Variants in JAKMIP2 observed in about 807,000 individuals in gnomAD.
JAKMIP2 encodes janus kinase and microtubule interacting protein 2, also known as janus kinase and microtubule-interacting protein 2.
In JAKMIP2, 25 loss-of-function variants were observed where a neutral mutation model predicts 115.0. The ratio of observed to expected loss-of-function variants is 0.22; its 90% confidence interval spans 0.16 to 0.30. The LOEUF (loss-of-function observed/expected upper bound fraction) is 0.30, where lower values mean the gene tolerates loss of function less well. JAKMIP2 is among the 10% of genes least tolerant of loss of function. JAKMIP2 has a pLI of 1.00. For synonymous variants in JAKMIP2, 334 were observed against 343.6 expected (o/e 0.97, Z 0.31); for missense variants, 642 against 957.6 (o/e 0.67, Z 4.35).
At chr5:147,639,479 G>T (rs2126712435) in intron 10 of JAKMIP2, among the ~76,000 whole-genome samples, 153 bp downstream of exon 10, 1 of 152,248 alleles carries the variant, frequency 6.6e-6, no homozygotes, top group Non-Finnish European at 1.5e-5. Context: ...CTAGAGTCAA[G>T]GTTTGTTGAC....
At chr5:147,770,591 C>T (rs1755315760) in intron 1 of JAKMIP2, among the ~76,000 whole-genome samples, 1 of 152,060 alleles carries the variant, frequency 6.6e-6, no homozygotes, top group African/African-American at 2.4e-5. Context: ...ACCACAGAAA[C>T]TATATTGTTC....
intron 21 of JAKMIP2, among the ~76,000 whole-genome samples, chr5:147,600,978 A>C (rs1198247744): frequency 6.6e-6 from 1 of 152,158 alleles, no homozygotes; most frequent in African/African-American, 2.4e-5. Context: ...AAGGGGTGAA[A>C]AAAACAGCAG....
At chr5:147,615,425 T>C (rs1756522151) in intron 19 of JAKMIP2, among the ~76,000 whole-genome samples, 1 of 152,090 alleles carries the variant, frequency 6.6e-6, no homozygotes, top group Admixed American at 6.5e-5. Flanking sequence ...CCAGGATGTT[T>C]TGCATGAGTG....
At chr5:147,599,481 G>A (rs1286535973) in intron 21 of JAKMIP2, among the ~76,000 whole-genome samples, 2 of 152,112 alleles carry the variant, frequency 1.3e-5, no homozygotes, top group African/African-American at 4.8e-5. Flanking sequence ...ACATTCATCG[G>A]CTATATTATT....
At chr5:147,673,960 G>T (rs576045860) in intron 1 of JAKMIP2, among the ~76,000 whole-genome samples, 17 of 152,012 alleles carry the variant, frequency 1.1e-4, no homozygotes, top group African/African-American at 1.4e-4. Context: ...CCACAGCCCC[G>T]ACCATTATGC....
At chr5:147,752,329 T>C (rs1754588393) in intron 1 of JAKMIP2, among the ~76,000 whole-genome samples, 1 of 152,192 alleles carries the variant, frequency 6.6e-6, no homozygotes, top group Non-Finnish European at 1.5e-5. Flanking sequence ...ACTGTAAACT[T>C]AGTGCCTGAG....
At chr5:147,608,826 T>C (rs1756160657) in intron 20 of JAKMIP2, among the ~76,000 whole-genome samples, 1 of 152,200 alleles carries the variant, frequency 6.6e-6, no homozygotes, top group Non-Finnish European at 1.5e-5. Context: ...TTTGTAGGTC[T>C]CTAAGAACTT....
At chr5:147,679,290 A>C (rs1276898983) in intron 1 of JAKMIP2, among the ~76,000 whole-genome samples, 3 of 152,060 alleles carry the variant, frequency 2.0e-5, no homozygotes, top group Non-Finnish European at 4.4e-5. Flanking sequence ...CTCCAACTAC[A>C]TTTTCTACTG....
At chr5:147,748,801 C>A (rs1419108777) in intron 1 of JAKMIP2, among the ~76,000 whole-genome samples, 2 of 152,158 alleles carry the variant, frequency 1.3e-5, no homozygotes, top group African/African-American at 4.8e-5. Context: ...CTTGGTCTGA[C>A]CAATCTTTTG....
At chr5:147,768,817 C>G (rs1310393010) in intron 1 of JAKMIP2, among the ~76,000 whole-genome samples, 1 of 152,000 alleles carries the variant, frequency 6.6e-6, no homozygotes. Flanking sequence ...TGTTTGAGGC[C>G]TGGTCCTTTT....
chr5:147,639,666 G>A lies in JAKMIP2; in HGVS notation c.1496C>T (p.Thr499Met), dbSNP rs1364972545. 52 of 1,613,426 alleles carry A rather than the reference G, an allele frequency of 3.2e-5. No individual in the cohort carries two copies. Among genetic ancestry groups the A allele is most frequent in the Non-Finnish European group, 4.3e-5 (51 of 1,179,760 alleles). Residue 499 changes from threonine to methionine, a missense_variant, in exon 10 of 22, where the codon ACG (threonine) becomes ATG (methionine). By Grantham distance (81) the Thr-to-Met change is moderately conservative (BLOSUM62 -1). Transcript: ENST00000616793. ...TCGTTCAGCGTCGATGATGCCTCCCGTCTGCTCCTGTAGGAGGGCATATGC... is the reference window on the plus strand; with the variant it reads ...TCGTTCAGCGTCGATGATGCCTCCCATCTGCTCCTGTAGGAGGGCATATGC... ...QRAYALLQEQ[T>M]GGIIDAEREA... is the part of the protein sequence containing the mutation.
intron 1 of JAKMIP2, among the ~76,000 whole-genome samples, chr5:147,706,146 C>T (rs1752551589): frequency 6.6e-6 from 1 of 152,088 alleles, no homozygotes; most frequent in South Asian, 2.1e-4. Context: ...AGTGGAATAT[C>T]ATGCAGATAT....
intron 1 of JAKMIP2, among the ~76,000 whole-genome samples, chr5:147,706,337 C>T (rs1752558929): frequency 6.6e-6 from 1 of 152,062 alleles, no homozygotes; most frequent in Admixed American, 6.6e-5. Context: ...TGTTGACCAG[C>T]AATGCTTTTC....
At chr5:147,768,476 C>T (rs1159450989) in intron 1 of JAKMIP2, among the ~76,000 whole-genome samples, 1 of 152,068 alleles carries the variant, frequency 6.6e-6, no homozygotes, top group East Asian at 1.9e-4. Flanking sequence ...AGTTCTGTTC[C>T]CATTCAAAAT....
Position 147,629,682 on chromosome 5 carries a change from T to A in JAKMIP2, c.1929+11A>T. ...AAATTCATATCTATACTAAATCAAT[T>A]CTTTACTTACCCCATTATCACCCAA... On this transcript the variant is annotated intron_variant, in intron 15 of 21. Transcript: ENST00000616793. 1 of 1,604,790 alleles carries A rather than the reference T, an allele frequency of 6.2e-7. No homozygotes were observed. Among genetic ancestry groups the A allele is most frequent in the African/African-American group, 1.3e-5 (1 of 74,856 alleles).
chr5:147,764,701 C>T (rs1382069002), intron 1 of JAKMIP2, among the ~76,000 whole-genome samples: 3 of 151,468 alleles, frequency 2.0e-5, no homozygotes, highest in African/African-American at 7.3e-5. Context: ...TCCTAGCCAA[C>T]ATGGTGAAAC....
At chr5:147,720,322 G>A (rs2126939069) in intron 1 of JAKMIP2, among the ~76,000 whole-genome samples, 1 of 150,962 alleles carries the variant, frequency 6.6e-6, no homozygotes, top group South Asian at 2.1e-4. Context: ...TGAAAATTAT[G>A]TGTCTTGGAG....
chr5:147,646,891 G>T (rs1161856572), intron 5 of JAKMIP2, among the ~76,000 whole-genome samples: 1 of 151,222 alleles, frequency 6.6e-6, no homozygotes, highest in Non-Finnish European at 1.5e-5. Flanking sequence ...ACATATTATT[G>T]TTCTACATAT....
chr5:147,638,585 T>C (rs998360588), intron 10 of JAKMIP2, among the ~76,000 whole-genome samples: 1 of 152,126 alleles, frequency 6.6e-6, no homozygotes, highest in African/African-American at 2.4e-5. Context: ...TGTTGAAAAA[T>C]GTATAACTGC....
Sources: gnomAD v4.1 joint callset for allele counts (sites outside exome capture counted in the v4.1 genomes callset) on GRCh38, gnomAD v4.1.1 for gene constraint, MANE v1.5 for transcripts, NCBI Gene and HGNC (gene_info 2026-07-23, HGNC 2026-07-21) for gene names.